TRIM33: variants seen among roughly 807,000 people sequenced by gnomAD.
The protein encoded by TRIM33 is tripartite motif containing 33, also known as E3 ubiquitin-protein ligase TRIM33.
In TRIM33, 20 loss-of-function variants were observed where a neutral mutation model predicts 125.4. That is an observed-to-expected ratio of 0.16 (90% CI 0.11 to 0.23). TRIM33 has a LOEUF of 0.23. TRIM33 is among the 10% of genes least tolerant of loss of function. The pLI is 1.00. For missense variants in TRIM33, 920 were observed against 1,411.4 expected, an observed-to-expected ratio of 0.65 and a Z score of 5.58; for synonymous variants, 564 against 513.9, an observed-to-expected ratio of 1.10 and a Z score of -1.32.
rs373719026 is a variant in TRIM33 at position 114,436,245 on chromosome 1, C to A, written c.924-2512G>T. Among the ~76,000 whole-genome samples, 8 of 150,868 alleles carry A rather than the reference C, an allele frequency of 5.3e-5. No individual in the cohort carries two copies. In the East Asian group the frequency reaches 1.6e-3, roughly 30 times the overall value. ...GTGAAACCCTGTCTCTACTAAAATA[C>A]AAAAAAATTAGCCCGGCATGGTGGT... On this transcript the variant is annotated intron_variant, in intron 4 of 19. Coordinates refer to ENST00000358465, the MANE Select transcript of TRIM33 (RefSeq NM_015906.4).
chr1:114,451,305 G>A (rs367746243), intron 4 of TRIM33, among the ~76,000 whole-genome samples: 1 of 150,246 alleles, frequency 6.7e-6, no homozygotes, highest in East Asian at 1.9e-4. Flanking sequence ...CCTTTGCATG[G>A]CCTTAGATCA....
intron 6 of TRIM33, among the ~76,000 whole-genome samples, chr1:114,429,565 A>T (rs915286046): frequency 3.3e-5 from 5 of 151,946 alleles, no homozygotes; most frequent in Non-Finnish European, 7.4e-5. Context: ...TTCTACTGAC[A>T]TCATTTCATT....
chr1:114,423,733 G>A (rs1357788935), intron 10 of TRIM33, among the ~76,000 whole-genome samples: 1 of 151,958 alleles, frequency 6.6e-6, no homozygotes, highest in Non-Finnish European at 1.5e-5. Flanking sequence ...CTCTTTCTGG[G>A]CGTACATGGA....
In TRIM33 at chr1:114,511,041, GC is replaced by G; in HGVS notation, c.35del (p.Ser12ThrfsTer11). The G allele has an allele frequency of 7.6e-7, 1 of 1,313,240 alleles. No individual in the cohort carries two copies. Among genetic ancestry groups the G allele is most frequent in the Non-Finnish European group, 9.7e-7 (1 of 1,029,034 alleles). The allele number at this position is 1,313,240 out of a possible 1,614,324, so 81.3% of individuals were successfully genotyped here. On this transcript the variant is annotated frameshift_variant, in exon 1 of 20. Coordinates refer to ENST00000358465, the MANE Select transcript of TRIM33 (RefSeq NM_015906.4). LOFTEE classifies it high-confidence loss of function. ...AENKGGGEAE[S>X]GGGGSGSAPV... Reference sequence around the variant, plus strand: ...GCGCGCTGCCGCTGCCCCCGCCGCCGCTCTCAGCCTCGCCGCCGCCTTTGTT... The same window carrying G: ...GCGCGCTGCCGCTGCCCCCGCCGCCGTCTCAGCCTCGCCGCCGCCTTTGTT...
At chr1:114,436,645 AG>A (rs1350376833) in intron 4 of TRIM33, among the ~76,000 whole-genome samples, 1 of 151,944 alleles carries the variant, frequency 6.6e-6, no homozygotes, top group East Asian at 2.0e-4. Context: ...TTGTATGTTT[AG>A]TAGAGATGGG....
intron 16 of TRIM33, 106 bp downstream of exon 16, chr1:114,402,654 T>A: frequency 7.6e-7 from 1 of 1,309,032 alleles, no homozygotes; most frequent in Non-Finnish European, 1.0e-6. Flanking sequence ...GGATTAAAAA[T>A]TAAATGTTAT....
chr1:114,464,428 G>A, intron 1 of TRIM33, 40 bp from the exon 2 acceptor site: 3 of 1,226,198 alleles, frequency 2.4e-6, no homozygotes, highest in Non-Finnish European at 2.3e-6. Context: ...TATTCTTCAG[G>A]AATAAAGAAA....
intron 10 of TRIM33, among the ~76,000 whole-genome samples, chr1:114,424,183 T>C (rs1170220152): frequency 6.6e-6 from 1 of 152,086 alleles, no homozygotes; most frequent in Non-Finnish European, 1.5e-5. Flanking sequence ...TATAGTTAGC[T>C]CTGTTACTCT....
chr1:114,508,010 G>A (rs1238902697), intron 1 of TRIM33, among the ~76,000 whole-genome samples: 2 of 152,092 alleles, frequency 1.3e-5, no homozygotes, highest in Non-Finnish European at 1.5e-5. Flanking sequence ...TCAGCTACTT[G>A]GGTGGCTGAG....
chr1:114,397,716 C>A lies in TRIM33; in HGVS notation c.3316G>T (p.Asp1106Tyr). 2 of 1,591,384 alleles carry A rather than the reference C, an allele frequency of 1.3e-6. No individual in the cohort carries two copies. The highest frequency in any genetic ancestry group is 1.7e-6 in the Non-Finnish European group (2 of 1,167,224). Residue 1106 changes from aspartate (D) to tyrosine (Y), a missense_variant, in exon 20 of 20, where the codon GAT (aspartate) becomes TAT (tyrosine). Transcript: ENST00000358465. Reference protein sequence around the residue: ...EDDGEVTEDSDEDFIQPRRKR... With the variant: ...EDDGEVTEDSYEDFIQPRRKR... ...CTGCGGGGCTGTATAAAGTCTTCAT[C>A]AGAGTCCTCAGTTACCTCACCATCA...
chr1:114,436,826 G>A (rs963589167), intron 4 of TRIM33, among the ~76,000 whole-genome samples: 1 of 152,126 alleles, frequency 6.6e-6, no homozygotes, highest in Non-Finnish European at 1.5e-5. Flanking sequence ...CTTCGTGAAA[G>A]AGCAACATTT....
chr1:114,508,275 G>T (rs1001310036), intron 1 of TRIM33, among the ~76,000 whole-genome samples: 1 of 152,104 alleles, frequency 6.6e-6, no homozygotes, highest in Non-Finnish European at 1.5e-5. Context: ...ATGAAGAGGG[G>T]ATTTACATAT....
intron 1 of TRIM33, among the ~76,000 whole-genome samples, chr1:114,483,448 T>G (rs910766084): frequency 6.6e-6 from 1 of 151,308 alleles, no homozygotes; most frequent in Non-Finnish European, 1.5e-5. Flanking sequence ...ATGGAGTCTC[T>G]GTCTGTGGCC....
intron 1 of TRIM33, among the ~76,000 whole-genome samples, chr1:114,498,507 G>T (rs1408378273): frequency 6.6e-6 from 1 of 152,134 alleles, no homozygotes; most frequent in African/African-American, 2.4e-5. Context: ...AAATTAGCCA[G>T]GTGTGGTGGC....
At chr1:114,402,682 A>G (rs1019896868) in intron 16 of TRIM33, 78 bp downstream of exon 16, 7 of 1,491,082 alleles carry the variant, frequency 4.7e-6, no homozygotes, top group Admixed American at 2.2e-5. Flanking sequence ...TGTGTATGCT[A>G]CACAGGAAAA....
intron 4 of TRIM33, among the ~76,000 whole-genome samples, chr1:114,436,199 G>A (rs572406366): frequency 6.6e-6 from 1 of 151,362 alleles, no homozygotes; most frequent in South Asian, 2.1e-4. Flanking sequence ...TCAGGAGATC[G>A]AGACCATCCT....
At position 114,427,254 on chromosome 1, in the gene TRIM33, TC is replaced by T; in HGVS notation, c.1342del (p.Asp448IlefsTer23). 1 of 1,603,088 alleles carries T rather than the reference TC, an allele frequency of 6.2e-7. No individual in the cohort carries two copies. Among genetic ancestry groups the T allele is most frequent in the Non-Finnish European group, 8.5e-7 (1 of 1,173,174 alleles). On this transcript the variant is annotated frameshift_variant, in exon 8 of 20. Coordinates refer to ENST00000358465, the MANE Select transcript of TRIM33 (RefSeq NM_015906.4). LOFTEE classifies it high-confidence loss of function. ...QLRHILKARC[D>X]PVPAANGAIR... is the part of the protein sequence containing the mutation. ...TGCTCCATTAGCAGCAGGGACAGGATCACACCGTGCTTTCAAAATATGACGC... is the reference window on the plus strand; with the variant it reads ...TGCTCCATTAGCAGCAGGGACAGGATACACCGTGCTTTCAAAATATGACGC...
chr1:114,473,147 C>CT (rs1301467314), intron 1 of TRIM33, among the ~76,000 whole-genome samples: 1 of 151,550 alleles, frequency 6.6e-6, no homozygotes, highest in Non-Finnish European at 1.5e-5. Flanking sequence ...GTCCCAGCTA[C>CT]TCAGGAGGCT....
intron 4 of TRIM33, among the ~76,000 whole-genome samples, chr1:114,440,851 AAAG>A (rs1197593692): frequency 6.6e-6 from 1 of 152,196 alleles, no homozygotes; most frequent in African/African-American, 2.4e-5. Context: ...AAGGACCAAC[AAAG>A]AATGCAACAC....
Sources: allele counts gnomAD v4.1 joint callset (sites outside exome capture counted in the v4.1 genomes callset), GRCh38; gene constraint gnomAD v4.1.1; transcripts MANE v1.5; gene names NCBI Gene and HGNC (gene_info 2026-07-23, HGNC 2026-07-21).